Variants in CCDC171 observed in about 807,000 individuals in gnomAD.
CCDC171 encodes the protein coiled-coil domain containing 171, also known as coiled-coil domain-containing protein 171.
In CCDC171, 177 loss-of-function variants were observed where a neutral mutation model predicts 168.2. That is an observed-to-expected ratio of 1.05 (90% CI 0.93 to 1.19). The LOEUF (loss-of-function observed/expected upper bound fraction) is 1.19, where lower values mean the gene tolerates loss of function less well. Among genes scored for constraint, CCDC171 ranks in the 50% most tolerant of loss-of-function variants. CCDC171 has a pLI of 0.00. For missense variants in CCDC171, 1,991 were observed against 1,539.0 expected (o/e 1.29, Z -4.91); for synonymous variants, 687 against 540.8 (o/e 1.27, Z -3.75).
chr9:15,672,437 C>T (rs1029820089), intron 9 of CCDC171, among the ~76,000 whole-genome samples: 3 of 152,122 alleles, frequency 2.0e-5, no homozygotes, highest in Non-Finnish European at 4.4e-5. Flanking sequence ...ATGCCTATGT[C>T]CTGAATGGTT....
At chr9:15,554,217 T>A (rs1017963416) in intron 1 of CCDC171, among the ~76,000 whole-genome samples, 29 of 152,276 alleles carry the variant, frequency 1.9e-4, no homozygotes, top group African/African-American at 5.8e-4. Flanking sequence ...AGACGGGGTT[T>A]CACTGTGTTA....
chr9:15,652,903 T>A (rs1260533239), intron 7 of CCDC171, among the ~76,000 whole-genome samples: 4 of 152,240 alleles, frequency 2.6e-5, no homozygotes, highest in Non-Finnish European at 4.4e-5. Flanking sequence ...ATGTAATTGC[T>A]TTTTTATATA....
chr9:15,690,614 G>A lies in CCDC171; in HGVS notation c.1216-4621G>A, dbSNP rs570055559. On this transcript the variant is annotated intron_variant, in intron 10 of 25. Transcript: ENST00000380701. ...TCATCTTGGAGTAAAAGGAAAATAT[G>A]ACATAAAAATCAGAAGTCCTAAAGC... 5.9e-5 allele frequency among the ~76,000 whole-genome samples: 9 copies of A among 152,116 alleles called. No homozygotes were observed. The South Asian group carries it at 1.9e-3, about 32-fold the overall frequency.
At chr9:15,689,865 G>A (rs1159884695) in intron 10 of CCDC171, among the ~76,000 whole-genome samples, 1 of 152,158 alleles carries the variant, frequency 6.6e-6, no homozygotes, top group East Asian at 1.9e-4. Flanking sequence ...TATATCAATG[G>A]ACCAGAATTG....
At chr9:15,748,629 C>T (rs1311318185) in intron 18 of CCDC171, among the ~76,000 whole-genome samples, 1 of 152,176 alleles carries the variant, frequency 6.6e-6, no homozygotes, top group Non-Finnish European at 1.5e-5. Flanking sequence ...GATCTCTTAG[C>T]AGAAACCCTA....
At chr9:15,650,498 A>C (rs1471416066) in intron 7 of CCDC171, among the ~76,000 whole-genome samples, 1 of 152,176 alleles carries the variant, frequency 6.6e-6, no homozygotes, top group Non-Finnish European at 1.5e-5. Context: ...AGTTTTGAGC[A>C]TTATTTCGTA....
rs748679927 is a variant in CCDC171, at chr9:15,571,724, GAA to G, written c.145_146del (p.Lys49ValfsTer15). 5 of 1,589,746 alleles carry G rather than the reference GAA, an allele frequency of 3.1e-6. No individual in the cohort carries two copies. Among genetic ancestry groups the G allele is most frequent in the Non-Finnish European group, 4.3e-6 (5 of 1,173,924 alleles). On this transcript the variant is annotated frameshift_variant, in exon 3 of 26. Transcript: ENST00000380701. LOFTEE classifies it high-confidence loss of function. ...GAAGAAACTCCATTGGGCTAAAAAA[GAA>G]AAGTTAGAAATAACAACCAAACACA... ...LRKKLHWAKK[E>X]KLEITTKHNA...
rs563655518 is a variant in CCDC171 at position 16,059,765 on chromosome 9, C to T, written n.90-881C>T. ...GCCTGACCTCATGATCCACCCGCCT[C>T]GGCCTCCCAAAGTGCTGGGATTACA... On this transcript the variant is annotated intron_variant and non_coding_transcript_variant, in intron 1 of 1. Transcript: ENST00000478913. Among the ~76,000 whole-genome samples the T allele has an allele frequency of 8.9e-4, 134 of 151,180 alleles. 2 individuals are homozygous for T. The East Asian group carries it at 0.023, about 26-fold the overall frequency.
intron 23 of CCDC171, among the ~76,000 whole-genome samples, chr9:15,865,231 A>G (rs1451647190): frequency 6.6e-6 from 1 of 152,066 alleles, no homozygotes; most frequent in African/African-American, 2.4e-5. Flanking sequence ...AGAACCCATC[A>G]TGAAACACAA....
At chr9:15,977,296 A>G (rs12005527), downstream of CCDC171, among the ~76,000 whole-genome samples, 3,349 of 152,244 alleles carry the variant, frequency 0.022, 133 homozygotes, top group African/African-American at 0.077. Flanking sequence ...CCCTAACTGT[A>G]TCTTGTGGGC....
chr9:15,610,469 A>AAAAAAAAAAAAAAAAAAAAAAAAAC (rs1432453522), intron 6 of CCDC171, among the ~76,000 whole-genome samples: 1 of 136,272 alleles, frequency 7.3e-6, no homozygotes, highest in Non-Finnish European at 1.6e-5. Context: ...AAAAAAAAAA[A>AAAAAAAAAAAAAAAAAAAAAAAAAC]AAAAAAAAAA....
At chr9:16,057,948 C>A (rs2133081458) in intron 1 of CCDC171, among the ~76,000 whole-genome samples, 2 of 151,644 alleles carry the variant, frequency 1.3e-5, no homozygotes, top group South Asian at 4.2e-4. Flanking sequence ...TGAAGCAGAG[C>A]ACAAATGAAT....
At chr9:15,693,166 AC>A (rs1395646527) in intron 10 of CCDC171, among the ~76,000 whole-genome samples, 4 of 151,994 alleles carry the variant, frequency 2.6e-5, no homozygotes, top group South Asian at 2.1e-4. Flanking sequence ...CACCAAAAAA[AC>A]AGATGCTGTG....
intron 6 of CCDC171, among the ~76,000 whole-genome samples, chr9:15,606,189 C>G (rs1297968571): frequency 6.6e-6 from 1 of 152,128 alleles, no homozygotes; most frequent in African/African-American, 2.4e-5. Flanking sequence ...TAGGTTGACT[C>G]AGGGTAACTG....
chr9:16,093,869 G>A, the CCDC171 span, among the ~76,000 whole-genome samples: 1 of 152,152 alleles, frequency 6.6e-6, no homozygotes, highest in Non-Finnish European at 1.5e-5. Flanking sequence ...TGTTCCTATA[G>A]TAATATAGGA....
chr9:15,754,618 A>C (rs2055980685), intron 18 of CCDC171, among the ~76,000 whole-genome samples: 1 of 152,148 alleles, frequency 6.6e-6, no homozygotes. Context: ...GGGAGGCAAT[A>C]CTTTAGGGTT....
chr9:16,074,176 C>T, the CCDC171 span, among the ~76,000 whole-genome samples: 2,365 of 152,294 alleles, frequency 0.016, 52 homozygotes, highest in African/African-American at 0.052. Context: ...CAATTACATT[C>T]TTTGGCCCTT....
rs561040205 is a variant in CCDC171 at position 15,852,610 on chromosome 9, C to G, written c.3468+3663C>G. ...TTGATGAAATCTAATTTTTTTCTTG[C>G]TGCTGCTTATGTGTTTGGCCTCATA... On this transcript the variant is annotated intron_variant, in intron 23 of 25. Transcript: ENST00000380701. Among the ~76,000 whole-genome samples, 3 of 151,662 alleles carry G rather than the reference C, an allele frequency of 2.0e-5. No individual in the cohort carries two copies. In the South Asian group the frequency reaches 6.2e-4, roughly 32 times the overall value.
intron 24 of CCDC171, among the ~76,000 whole-genome samples, chr9:15,906,499 G>C (rs1176137665): frequency 6.6e-6 from 1 of 152,110 alleles, no homozygotes; most frequent in African/African-American, 2.4e-5. Flanking sequence ...CTCTCAATAA[G>C]TTAGGTATTG....
Sources: gnomAD v4.1 joint callset for allele counts (sites outside exome capture counted in the v4.1 genomes callset) on GRCh38, gnomAD v4.1.1 for gene constraint, MANE v1.5 for transcripts, NCBI Gene and HGNC (gene_info 2026-07-23, HGNC 2026-07-21) for gene names.